Variants in NDUFS5 observed in about 807,000 individuals in gnomAD.
NDUFS5 encodes NADH:ubiquinone oxidoreductase subunit S5.
In NDUFS5, 7 loss-of-function variants were observed where a neutral mutation model predicts 10.5. The observed-to-expected ratio is 0.66, with a 90% CI of 0.38 to 1.25. The LOEUF is 1.25. Among genes scored for constraint, NDUFS5 ranks in the 50% most tolerant of loss-of-function variants. The probability of loss-of-function intolerance (pLI) is 0.02; values close to 1 mark genes in which losing one functional copy is unlikely to be tolerated. For synonymous variants in NDUFS5, 38 were observed against 44.0 expected, an observed-to-expected ratio of 0.86 and a Z score of 0.54; for missense variants, 148 against 140.7, an observed-to-expected ratio of 1.05 and a Z score of -0.26.
At position 39,033,946 on chromosome 1, in the gene NDUFS5, G is replaced by A. The variant is rs568618326; in HGVS notation, c.217-446G>A. On this transcript the variant is annotated intron_variant, in intron 2 of 2. Transcript: ENST00000372969. Reference sequence around the variant, plus strand: ...CTCCCGAGTAGCTGGGATTACAGATGTGCACCACCATCCCTGGCTAATTTT... The same window carrying A: ...CTCCCGAGTAGCTGGGATTACAGATATGCACCACCATCCCTGGCTAATTTT... 6.6e-5 allele frequency among the ~76,000 whole-genome samples: 10 copies of A among 151,762 alleles called. No individual in the cohort carries two copies. In the South Asian group the frequency reaches 2.1e-3, roughly 32 times the overall value.
Position 39,033,952 on chromosome 1 carries a change from C to G in NDUFS5, c.217-440C>G, listed in dbSNP as rs138677843. Among the ~76,000 whole-genome samples, 386 of 151,964 alleles carry G rather than the reference C, an allele frequency of 2.5e-3. 2 individuals are homozygous for G. The highest frequency in any genetic ancestry group is 4.5e-3 in the Non-Finnish European group (306 of 67,966). On this transcript the variant is annotated intron_variant, in intron 2 of 2. Coordinates refer to ENST00000372969, the MANE Select transcript of NDUFS5 (RefSeq NM_004552.3). ...AGTAGCTGGGATTACAGATGTGCAC[C>G]ACCATCCCTGGCTAATTTTTGTATT...
Position 39,034,572 on chromosome 1 carries a change from C to A in NDUFS5, c.*76C>A. ...CACTGGAAAGGTTGTTTACGACAAACCTCCTTGTCAAAGTGTGTAAAAATA... is the reference window on the plus strand; with the variant it reads ...CACTGGAAAGGTTGTTTACGACAAAACTCCTTGTCAAAGTGTGTAAAAATA... On this transcript the variant is annotated 3_prime_UTR_variant, in exon 3 of 3. Coordinates refer to ENST00000372969, the MANE Select transcript of NDUFS5 (RefSeq NM_004552.3). The A allele has an allele frequency of 1.7e-6, 2 of 1,207,084 alleles. No homozygotes were observed. The highest frequency in any genetic ancestry group is 2.4e-5 in the East Asian group (1 of 41,686). The allele number at this position is 1,207,084 out of a possible 1,614,324, so 74.8% of individuals were successfully genotyped here. A position where few individuals can be genotyped will look rare whatever the true frequency, so the allele number is the denominator to read the frequency against.
In NDUFS5 at chr1:39,034,451, C is replaced by T. The variant is rs765453976; in HGVS notation, c.276C>T (p.Tyr92=). 13 of 1,613,602 alleles carry T rather than the reference C, an allele frequency of 8.1e-6. No individual in the cohort carries two copies. The African/African-American group carries it at 1.2e-4, about 15-fold the overall frequency. The change falls in exon 3 of 3, where the codon TAC becomes TAT. Residue 92 remains tyrosine, a synonymous_variant. Transcript: ENST00000372969. ...QRDKLIKEGK[Y]TPPPHHIGKG... ...ATAAGCTGATAAAGGAAGGAAAGTA[C>T]ACCCCTCCACCTCACCACATTGGCA...
At chr1:39,029,101 G>A (rs1218014705) in intron 2 of NDUFS5, among the ~76,000 whole-genome samples, 161 bp downstream of exon 2, 4 of 150,752 alleles carry the variant, frequency 2.7e-5, no homozygotes, top group African/African-American at 7.3e-5. Context: ...CAGGCGATTC[G>A]CGTACCTCAG....
rs756910112 is a variant in NDUFS5, at chr1:39,028,883, G to A, written c.159G>A (p.Glu53=). Reference sequence around the variant, plus strand: ...ATGGAATCGGTTATACTCGGGCAGAGAAAGAGTGCAAGATAGAATATGATG... The same window carrying A: ...ATGGAATCGGTTATACTCGGGCAGAAAAAGAGTGCAAGATAGAATATGATG... ...CAHGIGYTRA[E]KECKIEYDDF... is the part of the protein sequence containing the mutation. The change falls in exon 2 of 3, where the codon GAG becomes GAA. Residue 53 remains glutamate (E), a synonymous_variant. Transcript: ENST00000372969. 3.7e-6 allele frequency: 6 copies of A among 1,613,928 alleles called. No homozygotes were observed. The highest frequency in any genetic ancestry group is 5.1e-6 in the Non-Finnish European group (6 of 1,179,992).
chr1:39,030,803 T>C (rs1287589422), intron 2 of NDUFS5, among the ~76,000 whole-genome samples: 1 of 152,102 alleles, frequency 6.6e-6, no homozygotes, highest in Non-Finnish European at 1.5e-5. Flanking sequence ...GAAAGAACAT[T>C]GGATTGGGAG....
intron 2 of NDUFS5, among the ~76,000 whole-genome samples, chr1:39,033,060 T>C (rs897710968): frequency 3.9e-5 from 6 of 152,218 alleles, no homozygotes; most frequent in Non-Finnish European, 7.3e-5. Context: ...CAGTTCATTG[T>C]TGTGGCTTTG....
Position 39,034,453 on chromosome 1 carries a change from C to T in NDUFS5, c.278C>T (p.Thr93Ile), listed in dbSNP as rs200515387. ...AAGCTGATAAAGGAAGGAAAGTACA[C>T]CCCTCCACCTCACCACATTGGCAAG... ...RDKLIKEGKY[T>I]PPPHHIGKGE... Residue 93 changes from threonine (T) to isoleucine (I), a missense_variant, in exon 3 of 3, where the codon ACC (threonine) becomes ATC (isoleucine). Coordinates refer to ENST00000372969, the MANE Select transcript of NDUFS5 (RefSeq NM_004552.3). 3 of 1,613,692 alleles carry T rather than the reference C, an allele frequency of 1.9e-6. No individual in the cohort carries two copies. In the Admixed American group the frequency reaches 5.0e-5, roughly 27 times the overall value.
At chr1:39,031,846 A>G (rs1160242822) in intron 2 of NDUFS5, among the ~76,000 whole-genome samples, 1 of 152,162 alleles carries the variant, frequency 6.6e-6, no homozygotes, top group Admixed American at 6.6e-5. Flanking sequence ...TAATGCATGT[A>G]TTTCTCACAA....
At chr1:39,029,022 C>G in intron 2 of NDUFS5, 82 bp downstream of exon 2, 1 of 1,269,626 alleles carries the variant, frequency 7.9e-7, no homozygotes, top group Non-Finnish European at 1.1e-6. Context: ...GACGAAGTCT[C>G]ACTCTTGTCC....
chr1:39,033,373 A>C (rs1644203327), intron 2 of NDUFS5, among the ~76,000 whole-genome samples: 2 of 151,850 alleles, frequency 1.3e-5, no homozygotes, highest in East Asian at 4.0e-4. Flanking sequence ...GGAGATCGAG[A>C]CCATCCTGGC....
At chr1:39,027,427 G>A (rs1644157195) in intron 1 of NDUFS5, among the ~76,000 whole-genome samples, 1 of 151,998 alleles carries the variant, frequency 6.6e-6, no homozygotes, top group Non-Finnish European at 1.5e-5. Flanking sequence ...TTGTGGGTGT[G>A]CGCGCGCTTC....
rs1409481679 is a variant in NDUFS5, at chr1:39,034,338, C to T, written c.217-54C>T. 14 of 1,559,164 alleles carry T rather than the reference C, an allele frequency of 9.0e-6. No homozygotes were observed. In the Admixed American group the frequency reaches 1.0e-4, roughly 11 times the overall value. On this transcript the variant is annotated intron_variant, in intron 2 of 2. Transcript: ENST00000372969. Reference sequence around the variant, plus strand: ...AAAATTGATCTGTTTTTCCAGTTCTCACTTTTTGGCACATATCTCCTCCCT... The same window carrying T: ...AAAATTGATCTGTTTTTCCAGTTCTTACTTTTTGGCACATATCTCCTCCCT...
chr1:39,031,158 C>G (rs1357996925), intron 2 of NDUFS5, among the ~76,000 whole-genome samples: 1 of 152,116 alleles, frequency 6.6e-6, no homozygotes, highest in African/African-American at 2.4e-5. Flanking sequence ...GTGTGAGACA[C>G]TGCACCTGGC....
At chr1:39,031,206 G>T (rs1378986177) in intron 2 of NDUFS5, among the ~76,000 whole-genome samples, 1 of 151,928 alleles carries the variant, frequency 6.6e-6, no homozygotes, top group East Asian at 1.9e-4. Context: ...TAGAAATGGG[G>T]TCTTCTTGTG....
At position 39,030,799 on chromosome 1, in the gene NDUFS5, A is replaced by C. The variant is rs1478022584; in HGVS notation, c.216+1859A>C. On this transcript the variant is annotated intron_variant, in intron 2 of 2. Transcript: ENST00000372969. ...GAGGCATTGTAGTAAGGTGGAAAGAACATTGGATTGGGAGTTAGGAGAGTC... is the reference window on the plus strand; with the variant it reads ...GAGGCATTGTAGTAAGGTGGAAAGACCATTGGATTGGGAGTTAGGAGAGTC... 5.9e-5 allele frequency among the ~76,000 whole-genome samples: 9 copies of C among 152,288 alleles called. No individual in the cohort carries two copies. In the East Asian group the frequency reaches 1.7e-3, roughly 29 times the overall value.
At chr1:39,033,592 C>G (rs913202363) in intron 2 of NDUFS5, among the ~76,000 whole-genome samples, 1 of 149,910 alleles carries the variant, frequency 6.7e-6, no homozygotes, top group Non-Finnish European at 1.5e-5. Context: ...ACCTCCGCCT[C>G]CCGGGTTCAA....
Position 39,034,479 on chromosome 1 carries a change from G to A in NDUFS5, c.304G>A (p.Gly102Arg), listed in dbSNP as rs762222548. ...CCCTCCACCTCACCACATTGGCAAG[G>A]GGGAGCCTCGGCCCTGAACAGAGCA... is the stretch of plus-strand genomic sequence containing the variant. ...YTPPPHHIGK[G>R]EPRP Residue 102 changes from glycine (G) to arginine (R), a missense_variant, in exon 3 of 3, where the codon GGG becomes AGG. By Grantham distance (125) the Gly-to-Arg change is moderately radical. Transcript: ENST00000372969. The A allele has an allele frequency of 6.2e-7, 1 of 1,613,536 alleles. No homozygotes were observed. The highest frequency in any genetic ancestry group is 8.5e-7 in the Non-Finnish European group (1 of 1,179,664).
intron 2 of NDUFS5, among the ~76,000 whole-genome samples, chr1:39,033,121 G>A (rs1403473073): frequency 1.3e-5 from 2 of 152,202 alleles, no homozygotes; most frequent in Non-Finnish European, 2.9e-5. Context: ...CCAATGCCCT[G>A]AGTAGAAGAG....
Sources: gnomAD v4.1 joint callset for allele counts (sites outside exome capture counted in the v4.1 genomes callset) on GRCh38, gnomAD v4.1.1 for gene constraint, MANE v1.5 for transcripts, NCBI Gene and HGNC (gene_info 2026-07-23, HGNC 2026-07-21) for gene names.